MAPDA: variants seen among roughly 807,000 people sequenced by gnomAD.
MAPDA encodes the protein N6,N6-dimethyl-AMP deaminase.
At chr15:43,335,669 A>C in the MAPDA span, 1 of 1,578,842 alleles carries the variant, frequency 6.3e-7, no homozygotes, top group Non-Finnish European at 8.6e-7. Context: ...TGGATATTTG[A>C]TAAGTTTTAC....
the MAPDA span, chr15:43,330,540 T>G: frequency 1.3e-6 from 2 of 1,503,756 alleles, no homozygotes; most frequent in South Asian, 2.7e-5. Context: ...GAGCCGCCCC[T>G]TGGTTAGCAC....
the MAPDA span, among the ~76,000 whole-genome samples, chr15:43,342,086 G>A: frequency 1.3e-5 from 2 of 152,168 alleles, no homozygotes; most frequent in Non-Finnish European, 2.9e-5. Flanking sequence ...TGATCGGCCC[G>A]CCTCGGCCTC....
At chr15:43,347,619 G>A in the MAPDA span, among the ~76,000 whole-genome samples, 1 of 152,160 alleles carries the variant, frequency 6.6e-6, no homozygotes, top group Non-Finnish European at 1.5e-5. Flanking sequence ...ACATCCTTAT[G>A]AGGCAAACCC....
At chr15:43,339,204 C>T in the MAPDA span, among the ~76,000 whole-genome samples, 2 of 152,340 alleles carry the variant, frequency 1.3e-5, no homozygotes, top group Non-Finnish European at 2.9e-5. Context: ...CAGTATCATG[C>T]TCCTTGGAGG....
the MAPDA span, chr15:43,343,085 T>C: frequency 5.8e-6 from 9 of 1,542,200 alleles, no homozygotes; most frequent in African/African-American, 1.4e-5. Context: ...GGTAAGAAGA[T>C]TGTACCTTAG....
At chr15:43,331,224 C>G in the MAPDA span, among the ~76,000 whole-genome samples, 9 of 152,174 alleles carry the variant, frequency 5.9e-5, no homozygotes, top group African/African-American at 2.2e-4. Flanking sequence ...CATCACACCG[C>G]CTTGGAGAAT....
chr15:43,351,885 C>T, the MAPDA span: 3 of 1,551,670 alleles, frequency 1.9e-6, no homozygotes, highest in South Asian at 3.6e-5. Context: ...CTTCTGACAG[C>T]ACCAGATCTG....
the MAPDA span, among the ~76,000 whole-genome samples, chr15:43,333,832 C>T: frequency 5.3e-5 from 8 of 152,212 alleles, no homozygotes; most frequent in South Asian, 2.1e-4. Context: ...CTCATTAATA[C>T]GTGAGAACCC....
At chr15:43,335,834 T>C in the MAPDA span, 1 of 1,609,908 alleles carries the variant, frequency 6.2e-7, no homozygotes, top group South Asian at 1.1e-5. Context: ...AGAGTAAGTG[T>C]GGGGAGGTTG....
chr15:43,335,295 G>A, the MAPDA span: 1 of 962,940 alleles, frequency 1.0e-6, no homozygotes, highest in Middle Eastern at 2.9e-4. Flanking sequence ...GGCGCTTTGG[G>A]AGGCCAAGGC....
the MAPDA span, among the ~76,000 whole-genome samples, chr15:43,346,194 AAG>A: frequency 1.1e-4 from 17 of 152,190 alleles, no homozygotes; most frequent in African/African-American, 3.6e-4. Flanking sequence ...AAGAAAAAAA[AAG>A]AGTTGCCTGA....
chr15:43,339,585 C>T, the MAPDA span, among the ~76,000 whole-genome samples: 26 of 152,278 alleles, frequency 1.7e-4, no homozygotes, highest in Middle Eastern at 0.014. Context: ...GTCACAGCTT[C>T]GCCAACCTAG....
the MAPDA span, chr15:43,351,103 T>A: frequency 6.9e-7 from 1 of 1,439,158 alleles, no homozygotes; most frequent in Non-Finnish European, 9.6e-7. Context: ...TTAATTCAGA[T>A]GTTCACTATC....
chr15:43,342,290 T>C, the MAPDA span, among the ~76,000 whole-genome samples: 1 of 151,480 alleles, frequency 6.6e-6, no homozygotes, highest in African/African-American at 2.4e-5. Flanking sequence ...CTCTGGAGAG[T>C]GCTCTTGCAG....
chr15:43,333,512 T>C, the MAPDA span: 13 of 152,224 alleles, frequency 8.5e-5, no homozygotes, highest in Admixed American at 6.5e-5. Flanking sequence ...ATAGTCCATC[T>C]TTTTCATTTT....
At chr15:43,354,300 A>T in the MAPDA span, 1 of 152,198 alleles carries the variant, frequency 6.6e-6, no homozygotes, top group Non-Finnish European at 1.5e-5. Context: ...AAGTTCTTAG[A>T]TACGTGTGTG....
chr15:43,335,266 G>A, the MAPDA span: 8 of 1,305,610 alleles, frequency 6.1e-6, no homozygotes, highest in Non-Finnish European at 8.7e-6. Context: ...TGGGCGCAGT[G>A]GCTCATGCCT....
the MAPDA span, among the ~76,000 whole-genome samples, chr15:43,346,788 A>C: frequency 6.6e-6 from 1 of 152,234 alleles, no homozygotes; most frequent in South Asian, 2.1e-4. Context: ...GATTGACCTC[A>C]GTTTACTGAT....
At chr15:43,350,675 T>C in the MAPDA span, among the ~76,000 whole-genome samples, 1 of 152,130 alleles carries the variant, frequency 6.6e-6, no homozygotes. Flanking sequence ...TCTATTTTGG[T>C]CAAAGAAGGA....
Sources: gnomAD v4.1 joint callset for allele counts (sites outside exome capture counted in the v4.1 genomes callset) on GRCh38, gnomAD v4.1.1 for gene constraint, MANE v1.5 for transcripts, NCBI Gene and HGNC (gene_info 2026-07-23, HGNC 2026-07-21) for gene names.